Variants in ZNF44 observed in about 807,000 individuals in gnomAD.
ZNF44 encodes zinc finger protein 44, also known as gonadotropin inducible transcription repressor-2.
In ZNF44, 9 loss-of-function variants were observed where a neutral mutation model predicts 11.7. That is an observed-to-expected ratio of 0.77 (90% CI 0.46 to 1.35). The LOEUF (loss-of-function observed/expected upper bound fraction) is 1.35. Among genes scored for constraint, ZNF44 ranks in the 40% most tolerant of loss-of-function variants. The pLI is 0.00. For synonymous variants in ZNF44, 224 were observed against 242.7 expected (o/e 0.92, Z 0.72); for missense variants, 696 against 743.1 (o/e 0.94, Z 0.74).
chr19:12,263,220 G>C (rs888626795), intron 5 of ZNF44, among the ~76,000 whole-genome samples: 2 of 151,998 alleles, frequency 1.3e-5, no homozygotes, highest in African/African-American at 4.8e-5. Flanking sequence ...CTGAGCAGCT[G>C]GGATTACAGG....
At chr19:12,263,833 G>A (rs1010363459) in intron 5 of ZNF44, among the ~76,000 whole-genome samples, 1 of 151,514 alleles carries the variant, frequency 6.6e-6, no homozygotes, top group African/African-American at 2.4e-5. Flanking sequence ...GCTGAGGAAG[G>A]AGAATGGCGT....
At chr19:12,289,205 G>T (rs961326572) in intron 1 of ZNF44, among the ~76,000 whole-genome samples, 1 of 151,984 alleles carries the variant, frequency 6.6e-6, no homozygotes, top group Non-Finnish European at 1.5e-5. Context: ...TACCCTGAAG[G>T]CTGAGATGGG....
chr19:12,260,410 T>C (rs1386725016), intron 5 of ZNF44: 17 of 1,440,746 alleles, frequency 1.2e-5, no homozygotes, highest in Admixed American at 1.9e-5. Flanking sequence ...ATCAGACACA[T>C]GATCCTCAAG....
rs1439729568 is a variant in ZNF44 at position 12,273,041 on chromosome 19, G to A, written c.1214C>T (p.Pro405Leu). ...CTVCGKAFDSPSVFQRHERTH... is the reference protein window; with the variant it reads ...CTVCGKAFDSLSVFQRHERTH... Reference sequence around the variant, plus strand: ...CCTTTCATGTCTTTGAAATACACTAGGAGAATCAAAGGCTTTCCCACATAC... The same window carrying A: ...CCTTTCATGTCTTTGAAATACACTAAGAGAATCAAAGGCTTTCCCACATAC... The change falls in exon 4 of 4, where the codon CCT (proline) becomes CTT (leucine). Residue 405 changes from proline to leucine, a missense_variant. Coordinates refer to ENST00000355684, the MANE Select transcript of ZNF44 (RefSeq NM_016264.4). 2.5e-6 allele frequency: 4 copies of A among 1,612,980 alleles called. No homozygotes were observed. Among genetic ancestry groups the A allele is most frequent in the South Asian group, 1.1e-5 (1 of 91,020 alleles).
intron 3 of ZNF44, among the ~76,000 whole-genome samples, chr19:12,229,661 T>TG (rs1207564443): frequency 6.6e-6 from 1 of 151,856 alleles, no homozygotes; most frequent in African/African-American, 2.4e-5. Flanking sequence ...TCACCCAGGC[T>TG]GGAGTGTAGT....
chr19:12,288,774 G>GTATATGTA (rs1413658227), intron 1 of ZNF44, among the ~76,000 whole-genome samples: 2 of 76,836 alleles, frequency 2.6e-5, no homozygotes, highest in Non-Finnish European at 4.3e-5. Flanking sequence ...AAAAAAAAAT[G>GTATATGTA]TATATATATA....
At chr19:12,276,949 G>A (rs952828255) in intron 1 of ZNF44, among the ~76,000 whole-genome samples, 3 of 152,142 alleles carry the variant, frequency 2.0e-5, no homozygotes, top group African/African-American at 7.2e-5. Flanking sequence ...TCAGCAAGAA[G>A]ATTCCCACCA....
chr19:12,275,014 C>T lies in ZNF44; in HGVS notation c.150G>A (p.Gln50=), dbSNP rs373847712. 2.6e-5 allele frequency: 41 copies of T among 1,586,252 alleles called. 1 individual carries two copies. In the African/African-American group the frequency reaches 4.2e-4, roughly 16 times the overall value. Residue 50 remains glutamine, a synonymous_variant, in exon 3 of 4, where the codon CAG becomes CAA. Coordinates refer to ENST00000355684, the MANE Select transcript of ZNF44 (RefSeq NM_016264.4). ...GATTTTGGTGCTGATCATCAATGTT[C>T]TGGTTTTCCCATTTCATTCCTAAAA... ...LNCIGMKWEN[Q]NIDDQHQNLR... is the part of the protein sequence containing the mutation.
At chr19:12,289,359 C>T (rs1568458855) in intron 1 of ZNF44, among the ~76,000 whole-genome samples, 1 of 152,084 alleles carries the variant, frequency 6.6e-6, no homozygotes, top group Non-Finnish European at 1.5e-5. Context: ...TTAAGTTTCT[C>T]TCTTTCTTCT....
intron 5 of ZNF44, chr19:12,260,243 C>A (rs1219261553): frequency 3.7e-6 from 3 of 805,310 alleles, no homozygotes; most frequent in African/African-American, 1.7e-5. Flanking sequence ...CCTTCCGCTA[C>A]AACGGGCTGA....
chr19:12,277,233 T>C (rs2038702131), intron 1 of ZNF44, among the ~76,000 whole-genome samples: 1 of 152,202 alleles, frequency 6.6e-6, no homozygotes, highest in Admixed American at 6.5e-5. Context: ...AGAGAATATT[T>C]GGAAGCTGGT....
chr19:12,242,134 C>G (rs911424881), upstream of ZNF44, among the ~76,000 whole-genome samples: 2 of 152,018 alleles, frequency 1.3e-5, no homozygotes, highest in Non-Finnish European at 2.9e-5. Context: ...TGTGATGGTT[C>G]TAAAGCACTG....
rs531752212 is a variant in ZNF44 at position 12,230,296 on chromosome 19, C to T, written n.436+164G>A. Among the ~76,000 whole-genome samples the T allele has an allele frequency of 5.9e-5, 9 of 152,312 alleles. No homozygotes were observed. The South Asian group carries it at 1.4e-3, about 25-fold the overall frequency. On this transcript the variant is annotated intron_variant and non_coding_transcript_variant, in intron 3 of 3. Transcript: ENST00000597563. Reference sequence around the variant, plus strand: ...GTTCTAGGCGTCCCCAGACAAAAGACAGAGACCTGGAGTTCTCTTTCTAAA... The same window carrying T: ...GTTCTAGGCGTCCCCAGACAAAAGATAGAGACCTGGAGTTCTCTTTCTAAA...
At chr19:12,266,408 A>C in intron 5 of ZNF44, 1 of 929,976 alleles carries the variant, frequency 1.1e-6, no homozygotes, top group Non-Finnish European at 1.3e-6. Flanking sequence ...CGAGGGCGCC[A>C]AGGCGAGAGG....
chr19:12,267,029 A>AT (rs200376802), downstream of ZNF44, among the ~76,000 whole-genome samples: 12 of 129,640 alleles, frequency 9.3e-5, no homozygotes, highest in Admixed American at 2.2e-4. Context: ...CAGTCTACTC[A>AT]TTTTTTCTTT....
chr19:12,263,655 G>C (rs954112742), intron 5 of ZNF44, among the ~76,000 whole-genome samples: 2 of 152,074 alleles, frequency 1.3e-5, no homozygotes, highest in African/African-American at 2.4e-5. Context: ...GCTGGGTGCA[G>C]TGGCTCACGC....
upstream of ZNF44, among the ~76,000 whole-genome samples, chr19:12,239,905 G>A (rs1403035413): frequency 2.0e-5 from 3 of 151,796 alleles, no homozygotes; most frequent in Admixed American, 1.3e-4. Flanking sequence ...AACAATAAAC[G>A]GTCTGAAAGA....
intron 5 of ZNF44, among the ~76,000 whole-genome samples, chr19:12,255,401 G>A (rs1917208195): frequency 6.6e-6 from 1 of 151,826 alleles, no homozygotes; most frequent in Admixed American, 6.6e-5. Context: ...AGCTAACTGA[G>A]GAAAACAAAG....
downstream of ZNF44, chr19:12,242,857 A>T (rs146408760): frequency 1.3e-5 from 2 of 152,092 alleles, no homozygotes; most frequent in African/African-American, 4.8e-5. Flanking sequence ...GAAAGAAAAA[A>T]AATTAAAAAC....
Sources: allele counts gnomAD v4.1 joint callset (sites outside exome capture counted in the v4.1 genomes callset), GRCh38; gene constraint gnomAD v4.1.1; transcripts MANE v1.5; gene names NCBI Gene and HGNC (gene_info 2026-07-23, HGNC 2026-07-21).